ANXA3: variants seen among roughly 807,000 people sequenced by gnomAD.
ANXA3 encodes annexin A3.
Under a neutral mutation model 48.8 loss-of-function variants are expected in ANXA3, and 46 were observed. The observed-to-expected ratio is 0.94, with a 90% confidence interval of 0.74 to 1.21. The LOEUF (loss-of-function observed/expected upper bound fraction) is 1.21. Ranked by LOEUF, ANXA3 falls within the 50% of genes most tolerant of loss-of-function variation. ANXA3 has a pLI of 0.00. For synonymous variants in ANXA3, 128 were observed against 134.7 expected, an observed-to-expected ratio of 0.95 and a Z score of 0.35; for missense variants, 383 against 378.6, an observed-to-expected ratio of 1.01 and a Z score of -0.10.
chr4:78,592,522 T>A (rs1723321017), intron 7 of ANXA3, among the ~76,000 whole-genome samples: 1 of 152,158 alleles, frequency 6.6e-6, no homozygotes, highest in South Asian at 2.1e-4. Context: ...CTCAGAGGTA[T>A]ATATTCCTAA....
chr4:78,590,596 G>A (rs896353422), intron 6 of ANXA3, among the ~76,000 whole-genome samples: 5 of 152,018 alleles, frequency 3.3e-5, no homozygotes, highest in African/African-American at 1.2e-4. Flanking sequence ...CCCATGGATG[G>A]GGCAGACAGA....
chr4:78,571,906 G>A (rs1486148521), intron 2 of ANXA3, among the ~76,000 whole-genome samples: 1 of 152,176 alleles, frequency 6.6e-6, no homozygotes, highest in East Asian at 1.9e-4. Context: ...TGTCAGTAGA[G>A]CTTTTAGAAG....
chr4:78,566,998 C>G (rs1030640167), intron 2 of ANXA3, among the ~76,000 whole-genome samples: 1 of 152,160 alleles, frequency 6.6e-6, no homozygotes, highest in Non-Finnish European at 1.5e-5. Flanking sequence ...CGTTCAGCAC[C>G]GCCTACTCCT....
intron 4 of ANXA3, among the ~76,000 whole-genome samples, chr4:78,579,753 A>T (rs1560445357): frequency 6.6e-6 from 1 of 152,106 alleles, no homozygotes; most frequent in Non-Finnish European, 1.5e-5. Context: ...ACATGGTGTA[A>T]CCCCATTTCT....
chr4:78,561,178 C>T (rs1404551473), intron 2 of ANXA3, among the ~76,000 whole-genome samples: 2 of 152,010 alleles, frequency 1.3e-5, no homozygotes, highest in African/African-American at 4.8e-5. Flanking sequence ...CAGGATGGAC[C>T]CTTGCAGATA....
intron 2 of ANXA3, among the ~76,000 whole-genome samples, chr4:78,566,269 T>A (rs1722728573): frequency 6.6e-6 from 1 of 152,094 alleles, no homozygotes; most frequent in South Asian, 2.1e-4. Context: ...ATCTTTCTAC[T>A]CCATCCCACA....
chr4:78,570,572 G>A (rs1182542826), intron 2 of ANXA3, among the ~76,000 whole-genome samples: 1 of 152,162 alleles, frequency 6.6e-6, no homozygotes, highest in Non-Finnish European at 1.5e-5. Context: ...ACTCCAGGTG[G>A]TACAGAGACT....
intron 2 of ANXA3, among the ~76,000 whole-genome samples, chr4:78,569,244 T>C (rs1373288974): frequency 6.6e-6 from 1 of 152,202 alleles, no homozygotes; most frequent in Non-Finnish European, 1.5e-5. Flanking sequence ...AATGTGTGGA[T>C]GGAAATCTGA....
chr4:78,609,022 T>C (rs1723705245), intron 12 of ANXA3, among the ~76,000 whole-genome samples: 1 of 152,170 alleles, frequency 6.6e-6, no homozygotes, highest in Non-Finnish European at 1.5e-5. Context: ...GGAAAACCAA[T>C]AGCATAAGAA....
chr4:78,601,434 A>G lies in ANXA3; in HGVS notation c.731-76A>G. 4 of 1,399,014 alleles carry G rather than the reference A, an allele frequency of 2.9e-6. No individual in the cohort carries two copies. In the East Asian group the frequency reaches 7.0e-5, roughly 24 times the overall value. 86.7% of individuals were successfully genotyped at this position (1,399,014 alleles called of 1,614,324 possible). A position where few individuals can be genotyped will look rare whatever the true frequency, so the allele number is the denominator to read the frequency against. On this transcript the variant is annotated intron_variant, in intron 10 of 12. Coordinates refer to ENST00000264908, the MANE Select transcript of ANXA3 (RefSeq NM_005139.3). ...GTATGACAGTCCAAAGAATCTTTTT[A>G]AAAAACATATTACTTACTATAGATT... is the stretch of plus-strand genomic sequence containing the variant.
chr4:78,571,734 C>G (rs942981847), intron 2 of ANXA3, among the ~76,000 whole-genome samples: 1 of 152,186 alleles, frequency 6.6e-6, no homozygotes, highest in African/African-American at 2.4e-5. Flanking sequence ...TTTGATTTTT[C>G]TCAACATCTT....
rs1723600956 is a variant in ANXA3 at position 78,604,200 on chromosome 4, A to G, written c.790-77A>G. On this transcript the variant is annotated intron_variant, in intron 11 of 12. Transcript: ENST00000264908. ...TGAATATTTTGCACACCATTATCTG[A>G]TTCTTATAAATATAGATCTCTATGT... 3 of 1,362,084 alleles carry G rather than the reference A, an allele frequency of 2.2e-6. No homozygotes were observed. In the East Asian group the frequency reaches 7.4e-5, roughly 33 times the overall value. The allele number at this position is 1,362,084 out of a possible 1,614,324, so 84.4% of individuals were successfully genotyped here.
intron 10 of ANXA3, among the ~76,000 whole-genome samples, chr4:78,598,206 CAT>C (rs1553901362): frequency 3.3e-5 from 5 of 151,946 alleles, no homozygotes; most frequent in Admixed American, 6.5e-5. Context: ...CACACACACA[CAT>C]GCAACTAAGA....
intron 3 of ANXA3, among the ~76,000 whole-genome samples, chr4:78,573,687 G>A (rs965262864): frequency 6.6e-6 from 1 of 152,186 alleles, no homozygotes; most frequent in Admixed American, 6.5e-5. Flanking sequence ...GGGGGTTTGG[G>A]GCTGTTGCCT....
chr4:78,609,045 T>A (rs935087315), intron 12 of ANXA3, among the ~76,000 whole-genome samples: 21 of 152,142 alleles, frequency 1.4e-4, no homozygotes, highest in Non-Finnish European at 2.5e-4. Flanking sequence ...AAAATCTATA[T>A]AAAAACGAAG....
At position 78,595,783 on chromosome 4, in the gene ANXA3, C is replaced by G. The variant is rs1723410988; in HGVS notation, c.541-11C>G. ...ATAATTGTGTCTCTAATATCATTCT[C>G]TTGTGAATAGATTCTCTATAAAGCT... On this transcript the variant is annotated splice_polypyrimidine_tract_variant and intron_variant, in intron 8 of 12. Transcript: ENST00000264908. The G allele has an allele frequency of 6.5e-7, 1 of 1,544,026 alleles. No individual in the cohort carries two copies. Among genetic ancestry groups the G allele is most frequent in the Non-Finnish European group, 8.9e-7 (1 of 1,117,960 alleles).
intron 5 of ANXA3, among the ~76,000 whole-genome samples, chr4:78,585,539 C>G (rs1723156364): frequency 6.6e-6 from 1 of 152,194 alleles, no homozygotes; most frequent in Non-Finnish European, 1.5e-5. Flanking sequence ...GTAAAAGAAG[C>G]TGAGAAACAT....
intron 11 of ANXA3, chr4:78,601,824 C>G (rs1334655540): frequency 3.0e-6 from 1 of 337,120 alleles, no homozygotes; most frequent in African/African-American, 2.1e-5. Flanking sequence ...TTCTATTTAA[C>G]TAAAACATTC....
intron 2 of ANXA3, among the ~76,000 whole-genome samples, chr4:78,554,986 A>G (rs943824050): frequency 1.3e-5 from 2 of 152,188 alleles, no homozygotes; most frequent in Non-Finnish European, 2.9e-5. Flanking sequence ...TGGGTGGATC[A>G]CCTAAAGCCA....
Sources: gnomAD v4.1 joint callset for allele counts (sites outside exome capture counted in the v4.1 genomes callset) on GRCh38, gnomAD v4.1.1 for gene constraint, MANE v1.5 for transcripts, NCBI Gene and HGNC (gene_info 2026-07-23, HGNC 2026-07-21) for gene names.